Variants in ASTN2 observed in about 807,000 individuals in gnomAD.
ASTN2 encodes the protein astrotactin 2.
In ASTN2, 54 loss-of-function variants were observed where a neutral mutation model predicts 139.8. The observed-to-expected ratio is 0.39, with a 90% CI of 0.31 to 0.48. The LOEUF (loss-of-function observed/expected upper bound fraction) is 0.48. Ranked by LOEUF, ASTN2 falls within the 20% of genes least tolerant of loss-of-function variation. The pLI, the probability that ASTN2 is intolerant of heterozygous loss-of-function variation, is 0.95. For missense variants in ASTN2, 1,565 were observed against 1,725.1 expected, an observed-to-expected ratio of 0.91 and a Z score of 1.64; for synonymous variants, 756 against 719.5, an observed-to-expected ratio of 1.05 and a Z score of -0.81.
intron 6 of ASTN2, among the ~76,000 whole-genome samples, chr9:117,027,461 G>T (rs1838120454): frequency 6.6e-6 from 1 of 152,106 alleles, no homozygotes; most frequent in African/African-American, 2.4e-5. Context: ...CCCCCATGGA[G>T]CCCCAGCCTT....
intron 19 of ASTN2, among the ~76,000 whole-genome samples, chr9:116,551,331 A>G (rs1180832078): frequency 1.3e-5 from 2 of 152,126 alleles, no homozygotes; most frequent in African/African-American, 4.8e-5. Flanking sequence ...CTTCAGAATT[A>G]CCTTTTACTG....
At chr9:117,161,698 G>A (rs970443625) in intron 3 of ASTN2, among the ~76,000 whole-genome samples, 1 of 152,032 alleles carries the variant, frequency 6.6e-6, no homozygotes, top group East Asian at 1.9e-4. Context: ...AGGCTGAAGA[G>A]GAGGCTTCTC....
intron 16 of ASTN2, among the ~76,000 whole-genome samples, chr9:116,676,183 C>A (rs186366035): frequency 6.6e-6 from 1 of 152,286 alleles, no homozygotes; most frequent in East Asian, 1.9e-4. Context: ...AACTGGAAAT[C>A]TGATATGCCA....
intron 5 of ASTN2, among the ~76,000 whole-genome samples, chr9:117,047,754 C>G (rs565150489): frequency 2.0e-5 from 3 of 151,954 alleles, no homozygotes; most frequent in Non-Finnish European, 4.4e-5. Context: ...TTTTGTTTCT[C>G]TAAAGTCATA....
At chr9:117,181,748 A>G (rs977597532) in intron 3 of ASTN2, among the ~76,000 whole-genome samples, 7 of 152,242 alleles carry the variant, frequency 4.6e-5, no homozygotes, top group Admixed American at 3.9e-4. Context: ...CATAGCAAGT[A>G]CAAAGCATAG....
chr9:117,412,679 G>C, intron 1 of ASTN2, among the ~76,000 whole-genome samples: 1 of 152,274 alleles, frequency 6.6e-6, no homozygotes, highest in South Asian at 2.1e-4. Flanking sequence ...TGGCCGTTTG[G>C]GGGGCGGGAG....
At chr9:117,177,652 A>C (rs1830950396) in intron 3 of ASTN2, among the ~76,000 whole-genome samples, 1 of 152,200 alleles carries the variant, frequency 6.6e-6, no homozygotes, top group Non-Finnish European at 1.5e-5. Context: ...TCAGTCATTG[A>C]TCTATGTATC....
intron 19 of ASTN2, among the ~76,000 whole-genome samples, chr9:116,508,256 G>C (rs771802567): frequency 7.9e-5 from 12 of 152,218 alleles, no homozygotes; most frequent in Admixed American, 2.6e-4. Flanking sequence ...AGGGTCTTCA[G>C]AAAGCTGTCT....
chr9:117,102,522 TTTATTA>T (rs766613951), intron 4 of ASTN2, among the ~76,000 whole-genome samples: 31 of 151,944 alleles, frequency 2.0e-4, no homozygotes, highest in Non-Finnish European at 3.7e-4. Flanking sequence ...TTTAAAATGA[TTTATTA>T]TTATTATTAT....
At chr9:117,004,312 G>T (rs1413461143) in intron 7 of ASTN2, among the ~76,000 whole-genome samples, 6 of 152,034 alleles carry the variant, frequency 3.9e-5, no homozygotes, top group Non-Finnish European at 7.4e-5. Context: ...GTAGAAACAA[G>T]ATTTCACTAT....
chr9:117,233,687 A>T (rs528543095), intron 2 of ASTN2, among the ~76,000 whole-genome samples: 12 of 150,292 alleles, frequency 8.0e-5, no homozygotes, highest in South Asian at 2.1e-4. Flanking sequence ...TTTTTTTTAA[A>T]AAAAAGAATA....
At chr9:117,360,884 C>T (rs145068689) in intron 1 of ASTN2, among the ~76,000 whole-genome samples, 1 of 152,280 alleles carries the variant, frequency 6.6e-6, no homozygotes, top group East Asian at 1.9e-4. Flanking sequence ...TTCTGGATCC[C>T]TTCTTTGCTT....
chr9:117,030,943 T>G (rs1367567084), intron 6 of ASTN2, among the ~76,000 whole-genome samples: 1 of 152,164 alleles, frequency 6.6e-6, no homozygotes, highest in African/African-American at 2.4e-5. Flanking sequence ...GCCTTCTCCC[T>G]GTACTCTCTC....
chr9:117,230,905 A>G (rs1354150377), intron 2 of ASTN2, among the ~76,000 whole-genome samples: 2 of 152,168 alleles, frequency 1.3e-5, no homozygotes, highest in East Asian at 3.9e-4. Flanking sequence ...CTCGCCTTTT[A>G]AGACAGAGCT....
chr9:117,310,691 G>A (rs1827946469), intron 1 of ASTN2, among the ~76,000 whole-genome samples: 1 of 152,038 alleles, frequency 6.6e-6, no homozygotes, highest in African/African-American at 2.4e-5. Flanking sequence ...GAGTGCAGTG[G>A]TATGATCACG....
chr9:116,932,009 G>A (rs1588421200), intron 10 of ASTN2, among the ~76,000 whole-genome samples: 1 of 152,074 alleles, frequency 6.6e-6, no homozygotes, highest in African/African-American at 2.4e-5. Context: ...GCTGAACTGT[G>A]AGAATGAGGG....
chr9:116,684,916 T>C (rs1279342881), intron 16 of ASTN2, among the ~76,000 whole-genome samples: 2 of 152,220 alleles, frequency 1.3e-5, no homozygotes, highest in Non-Finnish European at 2.9e-5. Flanking sequence ...TTCCTGGGCA[T>C]AGGCTGAACT....
At chr9:116,703,956 C>T (rs1827921963) in intron 16 of ASTN2, among the ~76,000 whole-genome samples, 1 of 152,164 alleles carries the variant, frequency 6.6e-6, no homozygotes, top group Non-Finnish European at 1.5e-5. Context: ...GCAAAATATA[C>T]ACTTAGACTC....
chr9:116,949,038 C>T (rs772317234), intron 10 of ASTN2, among the ~76,000 whole-genome samples: 7 of 151,940 alleles, frequency 4.6e-5, no homozygotes, highest in Non-Finnish European at 8.8e-5. Context: ...ATCTGCCCAC[C>T]TCGGCCTCCC....
Sources: gnomAD v4.1 joint callset for allele counts (sites outside exome capture counted in the v4.1 genomes callset) on GRCh38, gnomAD v4.1.1 for gene constraint, MANE v1.5 for transcripts, NCBI Gene and HGNC (gene_info 2026-07-23, HGNC 2026-07-21) for gene names.